SC5D: variants seen among roughly 807,000 people sequenced by gnomAD.
SC5D encodes sterol-C5-desaturase.
In SC5D, 21 loss-of-function variants were observed where a neutral mutation model predicts 23.9. The observed-to-expected ratio is 0.88, with a 90% CI of 0.62 to 1.26. SC5D has a LOEUF of 1.26. Ranked by LOEUF, SC5D falls within the 50% of genes most tolerant of loss-of-function variation. SC5D has a pLI of 0.00. For missense variants in SC5D, 309 were observed against 364.8 expected (o/e 0.85, Z 1.25); for synonymous variants, 113 against 125.9 (o/e 0.90, Z 0.68).
intron 1 of SC5D, among the ~76,000 whole-genome samples, chr11:121,293,918 T>C (rs1947871033): frequency 6.6e-6 from 1 of 152,224 alleles, no homozygotes; most frequent in Non-Finnish European, 1.5e-5. Flanking sequence ...TCTGTTATTG[T>C]TGCTTGCTAC....
intron 1 of SC5D, among the ~76,000 whole-genome samples, chr11:121,294,094 C>T (rs934361597): frequency 1.3e-5 from 2 of 152,096 alleles, no homozygotes; most frequent in Non-Finnish European, 2.9e-5. Flanking sequence ...TAAAGTAGGG[C>T]AAAAAGATAA....
At chr11:121,294,486 A>G (rs1336595814) in intron 1 of SC5D, among the ~76,000 whole-genome samples, 3 of 152,134 alleles carry the variant, frequency 2.0e-5, no homozygotes, top group Non-Finnish European at 4.4e-5. Flanking sequence ...ATAAAATAAT[A>G]CTAGTACCTA....
Position 121,303,911 on chromosome 11 carries a change from T to G in SC5D, c.210+326T>G, listed in dbSNP as rs541344523. 16 of 271,182 alleles carry G rather than the reference T, an allele frequency of 5.9e-5. No homozygotes were observed. In the South Asian group the frequency reaches 6.5e-4, roughly 11 times the overall value. The allele number at this position is 271,182 out of a possible 1,614,324, so 16.8% of individuals were successfully genotyped here. Reference sequence around the variant, plus strand: ...AATATATGATTTTCACAAACTGAAATGTGTTTTTTTACCATGTTTTGTTTT... The same window carrying G: ...AATATATGATTTTCACAAACTGAAAGGTGTTTTTTTACCATGTTTTGTTTT... On this transcript the variant is annotated intron_variant, in intron 2 of 4. Transcript: ENST00000264027.
chr11:121,303,565 A>G lies in SC5D; in HGVS notation c.190A>G (p.Lys64Glu), dbSNP rs199546863. ...TTTTGTCTTCGATCATGCATTAATG[A>G]AACATCCACAATTTTTAAAGGTAAG... ...YYFVFDHALM[K>E]HPQFLKNQVR... Residue 64 changes from lysine (K) to glutamate (E), a missense_variant, in exon 2 of 5, where the codon AAA becomes GAA. Coordinates refer to ENST00000264027, the MANE Select transcript of SC5D (RefSeq NM_006918.5). The G allele has an allele frequency of 1.2e-5, 19 of 1,611,416 alleles. No individual in the cohort carries two copies. Among genetic ancestry groups the G allele is most frequent in the Admixed American group, 1.7e-5 (1 of 59,970 alleles).
rs1449333656 is a variant in SC5D, at chr11:121,312,305, A to G, written c.*4793A>G. 6.6e-6 allele frequency among the ~76,000 whole-genome samples: 1 copy of G among 152,220 alleles called. No homozygotes were observed. The highest frequency in any genetic ancestry group is 2.4e-5 in the African/African-American group (1 of 41,474). On this transcript the variant is annotated 3_prime_UTR_variant, in exon 5 of 5. Transcript: ENST00000264027. ...TTTAATATTTGCTTTATTAAAATAC[A>G]TTTAAAATACAGCATTTTTAAATCT...
Position 121,307,434 on chromosome 11 carries a change from G to A in SC5D, c.822G>A (p.Glu274=). Residue 274 remains glutamate, a synonymous_variant, in exon 5 of 5, where the codon GAG becomes GAA. Coordinates refer to ENST00000264027, the MANE Select transcript of SC5D (RefSeq NM_006918.5). ...GPLSYVKEMT[E]GKRSSHSGNG... ...TCAGTTATGTGAAGGAGATGACAGA[G>A]GGAAAGCGCAGCAGCCATTCAGGAA... The A allele has an allele frequency of 6.2e-7, 1 of 1,610,832 alleles. No individual in the cohort carries two copies. Among genetic ancestry groups the A allele is most frequent in the Non-Finnish European group, 8.5e-7 (1 of 1,178,278 alleles).
Position 121,311,301 on chromosome 11 carries a change from C to G in SC5D, c.*3789C>G, listed in dbSNP as rs1398952120. On this transcript the variant is annotated 3_prime_UTR_variant, in exon 5 of 5. Coordinates refer to ENST00000264027, the MANE Select transcript of SC5D (RefSeq NM_006918.5). ...GGTAAAAATTCTCTTCTGATGCTGTCTTTTTGGCCAACCATTTTTTTATCA... is the reference window on the plus strand; with the variant it reads ...GGTAAAAATTCTCTTCTGATGCTGTGTTTTTGGCCAACCATTTTTTTATCA... Among the ~76,000 whole-genome samples the G allele has an allele frequency of 1.3e-5, 2 of 152,174 alleles. No individual in the cohort carries two copies. The highest frequency in any genetic ancestry group is 2.9e-5 in the Non-Finnish European group (2 of 68,024).
At chr11:121,303,927 GT>G (rs550366531) in intron 2 of SC5D, 129 of 263,932 alleles carry the variant, frequency 4.9e-4, no homozygotes, top group African/African-American at 2.8e-3. Flanking sequence ...TTTTTACCAT[GT>G]TTTGTTTTTT....
chr11:121,296,650 C>T (rs1002234639), intron 1 of SC5D, among the ~76,000 whole-genome samples: 1 of 152,084 alleles, frequency 6.6e-6, no homozygotes, highest in Non-Finnish European at 1.5e-5. Context: ...TTTGTAGTTG[C>T]CCTACCTTTA....
Position 121,308,537 on chromosome 11 carries a change from A to G in SC5D, c.*1025A>G, listed in dbSNP as rs939120801. ...AGATTTAACAAATACATTCATAAGG[A>G]AATGTGTGTTGTAACAAATATATTG... On this transcript the variant is annotated 3_prime_UTR_variant, in exon 5 of 5. Coordinates refer to ENST00000264027, the MANE Select transcript of SC5D (RefSeq NM_006918.5). The G allele has an allele frequency of 1.3e-5, 2 of 152,618 alleles. No homozygotes were observed. The highest frequency in any genetic ancestry group is 4.8e-5 in the African/African-American group (2 of 41,476). The allele number at this position is 152,618 out of a possible 1,614,324, so 9.5% of individuals were successfully genotyped here.
At chr11:121,301,682 A>G (rs770066586) in intron 1 of SC5D, among the ~76,000 whole-genome samples, 8 of 152,182 alleles carry the variant, frequency 5.3e-5, no homozygotes, top group Non-Finnish European at 1.0e-4. Context: ...GATAGTGGTA[A>G]TGATTGCATA....
At chr11:121,294,047 G>T (rs1947872157) in intron 1 of SC5D, among the ~76,000 whole-genome samples, 1 of 152,158 alleles carries the variant, frequency 6.6e-6, no homozygotes, top group African/African-American at 2.4e-5. Flanking sequence ...ATAATACCTG[G>T]TTCTCAATAA....
Position 121,311,769 on chromosome 11 carries a change from A to G in SC5D, c.*4257A>G, listed in dbSNP as rs1948012596. ...TATCTAATAAGATTAAATAAGTTAG[A>G]AGCATTCAGTTAAATGTCAACTGAA... On this transcript the variant is annotated 3_prime_UTR_variant, in exon 5 of 5. Coordinates refer to ENST00000264027, the MANE Select transcript of SC5D (RefSeq NM_006918.5). 6.6e-6 allele frequency among the ~76,000 whole-genome samples: 1 copy of G among 152,206 alleles called. No homozygotes were observed. Among genetic ancestry groups the G allele is most frequent in the Non-Finnish European group, 1.5e-5 (1 of 68,024 alleles).
At chr11:121,304,303 G>A (rs1260340947) in intron 2 of SC5D, 58 bp from the exon 3 acceptor site, 2 of 1,533,006 alleles carry the variant, frequency 1.3e-6, no homozygotes, top group Admixed American at 3.3e-5. Context: ...ACAGTTTTAT[G>A]CTAGTTTTGT....
intron 1 of SC5D, among the ~76,000 whole-genome samples, chr11:121,301,380 A>T (rs1354755686): frequency 6.6e-6 from 1 of 151,968 alleles, no homozygotes; most frequent in South Asian, 2.1e-4. Context: ...TGTCTTGCTT[A>T]ACAGCAGATT....
chr11:121,297,717 A>T (rs1197135642), intron 1 of SC5D, among the ~76,000 whole-genome samples: 1 of 152,250 alleles, frequency 6.6e-6, no homozygotes, highest in Non-Finnish European at 1.5e-5. Context: ...ACTGAAAATG[A>T]AGATTCTAAC....
intron 1 of SC5D, among the ~76,000 whole-genome samples, chr11:121,293,831 A>G (rs1369219953): frequency 2.0e-5 from 3 of 152,218 alleles, no homozygotes; most frequent in Non-Finnish European, 4.4e-5. Context: ...CCTCATCTGC[A>G]TATAAAACAT....
intron 2 of SC5D, chr11:121,303,954 T>G (rs938039261): frequency 3.8e-6 from 1 of 261,496 alleles, no homozygotes; most frequent in Admixed American, 5.1e-5. Context: ...GATAGGGGAT[T>G]CAAACTCAGT....
intron 4 of SC5D, chr11:121,306,743 G>C: frequency 1.6e-6 from 1 of 627,360 alleles, no homozygotes; most frequent in Non-Finnish European, 2.9e-6. Flanking sequence ...GACTCCAGAA[G>C]GTGGGAGGAT....
Sources: allele counts gnomAD v4.1 joint callset (sites outside exome capture counted in the v4.1 genomes callset), GRCh38; gene constraint gnomAD v4.1.1; transcripts MANE v1.5; gene names NCBI Gene and HGNC (gene_info 2026-07-23, HGNC 2026-07-21).